The following NDFIP2 variants were observed in gnomAD, a reference collection of about 807,000 sequenced individuals.
The protein encoded by NDFIP2 is Nedd4 family interacting protein 2.
A neutral mutation model predicts 36.0 loss-of-function variants in NDFIP2; 19 were observed. That is an observed-to-expected ratio of 0.53 (90% CI 0.37 to 0.77). The LOEUF (loss-of-function observed/expected upper bound fraction) is 0.77. Ranked by LOEUF, NDFIP2 falls within the 30% of genes least tolerant of loss-of-function variation. NDFIP2 has a pLI of 0.00. For synonymous variants in NDFIP2, 181 were observed against 167.7 expected (o/e 1.08, Z -0.61); for missense variants, 446 against 435.8 (o/e 1.02, Z -0.21).
chr13:79,485,744 G>A (rs1032505376), intron 1 of NDFIP2, among the ~76,000 whole-genome samples: 7 of 152,076 alleles, frequency 4.6e-5, no homozygotes, highest in African/African-American at 9.7e-5. Flanking sequence ...TTGAAACTCC[G>A]TCCTTATTCC....
At chr13:79,529,551 G>A (rs190975256) in intron 2 of NDFIP2, among the ~76,000 whole-genome samples, 166 of 152,128 alleles carry the variant, frequency 1.1e-3, no homozygotes, top group African/African-American at 3.7e-3. Context: ...GACCACTTAC[G>A]TTTTTACATC....
Position 79,548,321 on chromosome 13 carries a change from T to C in NDFIP2, c.841-7T>C. Reference sequence around the variant, plus strand: ...ATTCGGTTAATATATTTATGTTCACTCCATAGTTTTCTGATTATTTTACTG... The same window carrying C: ...ATTCGGTTAATATATTTATGTTCACCCCATAGTTTTCTGATTATTTTACTG... On this transcript the variant is annotated splice_polypyrimidine_tract_variant and splice_region_variant and intron_variant, in intron 5 of 7. Coordinates refer to ENST00000218652, the MANE Select transcript of NDFIP2 (RefSeq NM_019080.3). The C allele has an allele frequency of 1.9e-6, 3 of 1,563,978 alleles. No individual in the cohort carries two copies. Among genetic ancestry groups the C allele is most frequent in the East Asian group, 2.3e-5 (1 of 44,098 alleles).
chr13:79,535,601 C>G (rs1251300030), intron 3 of NDFIP2, among the ~76,000 whole-genome samples: 1 of 152,142 alleles, frequency 6.6e-6, no homozygotes, highest in East Asian at 1.9e-4. Flanking sequence ...GAATTGTGTA[C>G]AAGAGACTAA....
chr13:79,522,331 G>A (rs1422168797), intron 2 of NDFIP2, among the ~76,000 whole-genome samples: 1 of 151,998 alleles, frequency 6.6e-6, no homozygotes, highest in Non-Finnish European at 1.5e-5. Context: ...ATAAGACTTT[G>A]CTACCTTAGA....
intron 2 of NDFIP2, 42 bp from the exon 3 acceptor site, chr13:79,533,281 A>G (rs749989910): frequency 6.3e-7 from 1 of 1,576,144 alleles, no homozygotes; most frequent in African/African-American, 1.4e-5. Context: ...CTACAAAATT[A>G]AATAGATTTT....
intron 1 of NDFIP2, among the ~76,000 whole-genome samples, chr13:79,512,662 T>A (rs1423775468): frequency 3.3e-5 from 5 of 152,154 alleles, no homozygotes; most frequent in Non-Finnish European, 7.4e-5. Context: ...TAGCCTCAGA[T>A]CTTCTGGGCC....
At chr13:79,482,224 G>T in intron 1 of NDFIP2, among the ~76,000 whole-genome samples, 2 of 102,996 alleles carry the variant, frequency 1.9e-5, no homozygotes, top group East Asian at 3.4e-4. Context: ...GGTAGTTTTA[G>T]TAGAACAAAT....
At chr13:79,512,053 A>C (rs1411587697) in intron 1 of NDFIP2, among the ~76,000 whole-genome samples, 1 of 152,202 alleles carries the variant, frequency 6.6e-6, no homozygotes, top group Non-Finnish European at 1.5e-5. Flanking sequence ...TTATGCATAT[A>C]TTCTTTGCAC....
intron 1 of NDFIP2, among the ~76,000 whole-genome samples, chr13:79,509,676 GAT>G (rs755208266): frequency 5.4e-5 from 8 of 147,714 alleles, no homozygotes; most frequent in Non-Finnish European, 6.0e-5. Context: ...GTATATTATC[GAT>G]ATATATATAT....
chr13:79,538,979 T>C (rs567163384), intron 3 of NDFIP2, among the ~76,000 whole-genome samples: 16 of 152,268 alleles, frequency 1.1e-4, no homozygotes, highest in Middle Eastern at 3.4e-3. Flanking sequence ...GGCTTTGCAG[T>C]GTACAGCTCT....
At chr13:79,501,212 A>G (rs1251125450) in intron 1 of NDFIP2, among the ~76,000 whole-genome samples, 1 of 152,070 alleles carries the variant, frequency 6.6e-6, no homozygotes, top group Non-Finnish European at 1.5e-5. Context: ...GGACAGTGAA[A>G]GTACTCTGTA....
intron 1 of NDFIP2, among the ~76,000 whole-genome samples, chr13:79,512,787 T>C (rs991230504): frequency 2.0e-5 from 3 of 152,230 alleles, no homozygotes; most frequent in Non-Finnish European, 4.4e-5. Context: ...CCAGGCTACA[T>C]GTCTTGCAGT....
chr13:79,498,551 G>A (rs1462892476), intron 1 of NDFIP2, among the ~76,000 whole-genome samples: 1 of 151,930 alleles, frequency 6.6e-6, no homozygotes. Context: ...TCTGGATGCT[G>A]GGAAGTTCAT....
At chr13:79,490,812 C>T (rs368561829) in intron 1 of NDFIP2, among the ~76,000 whole-genome samples, 6 of 152,198 alleles carry the variant, frequency 3.9e-5, no homozygotes, top group East Asian at 3.8e-4. Flanking sequence ...GGTTGTTTTG[C>T]ATCCCTTACT....
intron 3 of NDFIP2, among the ~76,000 whole-genome samples, chr13:79,538,897 T>A (rs1395487367): frequency 1.3e-5 from 2 of 152,184 alleles, no homozygotes; most frequent in Non-Finnish European, 2.9e-5. Flanking sequence ...AATCTTTGAC[T>A]CCACGTCTCA....
chr13:79,546,722 T>C (rs1032064932), intron 5 of NDFIP2, among the ~76,000 whole-genome samples: 2 of 152,228 alleles, frequency 1.3e-5, no homozygotes, highest in African/African-American at 4.8e-5. Context: ...ACTAGTTTTA[T>C]GGTAAACATT....
intron 4 of NDFIP2, among the ~76,000 whole-genome samples, chr13:79,540,930 A>G (rs1875429201): frequency 6.6e-6 from 1 of 152,216 alleles, no homozygotes; most frequent in Non-Finnish European, 1.5e-5. Flanking sequence ...GGTATAATAA[A>G]AAGGAAATAA....
chr13:79,515,675 C>T (rs1874281305), intron 1 of NDFIP2, among the ~76,000 whole-genome samples: 1 of 152,128 alleles, frequency 6.6e-6, no homozygotes, highest in Non-Finnish European at 1.5e-5. Flanking sequence ...GTATGCTGAG[C>T]AGCACTATTT....
At chr13:79,539,872 A>G in intron 4 of NDFIP2, 97 bp downstream of exon 4, 1 of 918,686 alleles carries the variant, frequency 1.1e-6, no homozygotes, top group Non-Finnish European at 1.7e-6. Context: ...TTGTTAGCAT[A>G]TGTCTACCTT....
Sources: gnomAD v4.1 joint callset for allele counts (sites outside exome capture counted in the v4.1 genomes callset) on GRCh38, gnomAD v4.1.1 for gene constraint, MANE v1.5 for transcripts, NCBI Gene and HGNC (gene_info 2026-07-23, HGNC 2026-07-21) for gene names.